The following CEP89 variants were observed in gnomAD, a reference collection of about 807,000 sequenced individuals.
CEP89 encodes the protein centrosomal protein 89.
In CEP89, 95 loss-of-function variants were observed where a neutral mutation model predicts 97.6. That is an observed-to-expected ratio of 0.97 (90% CI 0.82 to 1.15). The LOEUF (loss-of-function observed/expected upper bound fraction) is 1.15. Among genes scored for constraint, CEP89 ranks in the 50% most tolerant of loss-of-function variants. The probability of loss-of-function intolerance (pLI) is 0.00; values close to 1 mark genes in which losing one functional copy is unlikely to be tolerated. For synonymous variants in CEP89, 354 were observed against 349.1 expected (o/e 1.01, Z -0.16); for missense variants, 869 against 947.7 (o/e 0.92, Z 1.09).
Position 32,960,164 on chromosome 19 carries a change from C to T in CEP89, c.147-106G>A, listed in dbSNP as rs569981128. ...AGGCTTACCTTCTGCTGGACAGTGT[C>T]GACTGAGCATTTACTCTGCACCCAT... On this transcript the variant is annotated intron_variant, in intron 2 of 18. Coordinates refer to ENST00000305768, the MANE Select transcript of CEP89 (RefSeq NM_032816.5). 1.5e-5 allele frequency: 18 copies of T among 1,211,550 alleles called. No individual in the cohort carries two copies. The Admixed American group carries it at 1.8e-4, about 12-fold the overall frequency. The allele number at this position is 1,211,550 out of a possible 1,614,324, so 75.0% of individuals were successfully genotyped here.
chr19:32,934,911 G>A (rs1289919868), intron 7 of CEP89, among the ~76,000 whole-genome samples: 3 of 152,254 alleles, frequency 2.0e-5, no homozygotes, highest in East Asian at 1.9e-4. Context: ...CCAGGAGTTC[G>A]AGACCGGCCT....
chr19:32,935,277 C>T (rs369564287), intron 7 of CEP89, among the ~76,000 whole-genome samples: 14 of 152,234 alleles, frequency 9.2e-5, no homozygotes, highest in African/African-American at 3.4e-4. Flanking sequence ...AGGCAGGGTG[C>T]AGTAAACAGA....
At chr19:32,934,651 T>C (rs899430992) in intron 7 of CEP89, among the ~76,000 whole-genome samples, 2 of 152,054 alleles carry the variant, frequency 1.3e-5, no homozygotes, top group East Asian at 1.9e-4. Context: ...CACAGCTACA[T>C]AGAAACAAGG....
At chr19:32,912,611 C>T (rs936318099) in intron 14 of CEP89, among the ~76,000 whole-genome samples, 7 of 152,144 alleles carry the variant, frequency 4.6e-5, no homozygotes, top group African/African-American at 1.4e-4. Context: ...TTGCTTCTCT[C>T]GAAAACCCTG....
chr19:32,949,801 CACTGCAGGCAATGGA>C (rs1344794037), intron 4 of CEP89, among the ~76,000 whole-genome samples: 2 of 152,058 alleles, frequency 1.3e-5, no homozygotes, highest in Non-Finnish European at 2.9e-5. Context: ...AGCTGGGCTG[CACTGCAGGCAATGGA>C]AGGGCTGTCC....
intron 1 of CEP89, chr19:32,971,401 G>A: frequency 2.3e-6 from 1 of 431,198 alleles, no homozygotes; most frequent in Non-Finnish European, 4.1e-6. Context: ...TGTTAACGCC[G>A]GGCACAGTGG....
intron 5 of CEP89, among the ~76,000 whole-genome samples, chr19:32,942,427 A>T (rs1251322708): frequency 6.6e-6 from 1 of 152,232 alleles, no homozygotes; most frequent in Non-Finnish European, 1.5e-5. Flanking sequence ...GGAGATGCAT[A>T]GGTGGACAAG....
intron 14 of CEP89, among the ~76,000 whole-genome samples, chr19:32,911,775 A>G (rs554755722): frequency 5.3e-5 from 8 of 152,330 alleles, no homozygotes; most frequent in Non-Finnish European, 1.2e-4. Context: ...GCACTAGCTC[A>G]TTTGTTGCCC....
At chr19:32,930,369 G>A (rs1970446506) in intron 9 of CEP89, among the ~76,000 whole-genome samples, 2 of 151,892 alleles carry the variant, frequency 1.3e-5, no homozygotes, top group South Asian at 4.2e-4. Context: ...AATTGACTGT[G>A]GTGATGGTTG....
At chr19:32,955,545 G>A (rs569789674) in intron 3 of CEP89, among the ~76,000 whole-genome samples, 5 of 152,032 alleles carry the variant, frequency 3.3e-5, no homozygotes, top group South Asian at 2.1e-4. Flanking sequence ...ATGGAGTCTC[G>A]CTCTGTCACC....
intron 17 of CEP89, among the ~76,000 whole-genome samples, chr19:32,885,002 GACA>G (rs1170319373): frequency 3.9e-5 from 6 of 152,116 alleles, no homozygotes; most frequent in Non-Finnish European, 8.8e-5. Flanking sequence ...ATTAGCTCAT[GACA>G]ACGTTTTCTT....
In CEP89 at chr19:32,924,927, C is replaced by A. The variant is rs140734546; in HGVS notation, c.1164+1263G>T. ...CCCTTGACAGAAAGTCTGTGCTGAC[C>A]CTGACTTAGAAGGAGCACCAAAAAA... On this transcript the variant is annotated intron_variant, in intron 11 of 18. Transcript: ENST00000305768. 1.4e-3 allele frequency among the ~76,000 whole-genome samples: 207 copies of A among 152,068 alleles called. 1 individual carries two copies. The highest frequency in any genetic ancestry group is 4.8e-3 in the African/African-American group (200 of 41,488).
chr19:32,928,903 T>A (rs1269041983), intron 9 of CEP89, among the ~76,000 whole-genome samples: 4 of 152,200 alleles, frequency 2.6e-5, no homozygotes, highest in African/African-American at 9.6e-5. Context: ...CACAGGCTCA[T>A]CTATTTATCC....
intron 14 of CEP89, among the ~76,000 whole-genome samples, chr19:32,913,731 C>A (rs1386715335): frequency 6.6e-6 from 1 of 151,716 alleles, no homozygotes; most frequent in Admixed American, 6.6e-5. Flanking sequence ...CTCCGCCTCC[C>A]AGGTTCAAGC....
chr19:32,906,190 C>T (rs1403045514), intron 14 of CEP89, among the ~76,000 whole-genome samples: 2 of 152,126 alleles, frequency 1.3e-5, no homozygotes, highest in African/African-American at 2.4e-5. Context: ...ATCCATTTAG[C>T]GTATCTACTG....
Position 32,883,956 on chromosome 19 carries a change from G to A in CEP89, c.1966-1943C>T, listed in dbSNP as rs145896757. On this transcript the variant is annotated intron_variant, in intron 17 of 18. Coordinates refer to ENST00000305768, the MANE Select transcript of CEP89 (RefSeq NM_032816.5). ...TAAATTTGCTGCTGTGTTATTTAGC[G>A]CATAGATACTCACAATTACTATAGA... 2.4e-4 allele frequency among the ~76,000 whole-genome samples: 36 copies of A among 152,112 alleles called. No individual in the cohort carries two copies. In the East Asian group the frequency reaches 4.1e-3, roughly 17 times the overall value.
chr19:32,924,274 T>C (rs1382235055), intron 11 of CEP89, among the ~76,000 whole-genome samples: 3 of 152,210 alleles, frequency 2.0e-5, no homozygotes, highest in Non-Finnish European at 4.4e-5. Flanking sequence ...ATTACAGTCA[T>C]GAGTCACCAC....
chr19:32,931,998 G>A (rs893236146), intron 8 of CEP89, among the ~76,000 whole-genome samples: 4 of 152,036 alleles, frequency 2.6e-5, no homozygotes, highest in Admixed American at 6.6e-5. Context: ...TGGCTAACAC[G>A]GTGAAACCCC....
chr19:32,937,473 C>T, intron 7 of CEP89, 158 bp downstream of exon 7: 2 of 657,974 alleles, frequency 3.0e-6, no homozygotes, highest in South Asian at 3.7e-5. Flanking sequence ...GACATACGTC[C>T]ACTACCTAGT....
Sources: gnomAD v4.1 joint callset for allele counts (sites outside exome capture counted in the v4.1 genomes callset) on GRCh38, gnomAD v4.1.1 for gene constraint, MANE v1.5 for transcripts, NCBI Gene and HGNC (gene_info 2026-07-23, HGNC 2026-07-21) for gene names.